MAGEB10: variants seen among roughly 807,000 people sequenced by gnomAD.
MAGEB10 encodes the protein MAGE family member B10.
For synonymous variants in MAGEB10, 99 were observed against 101.0 expected (o/e 0.98, Z 0.12); for missense variants, 190 against 261.9 (o/e 0.73, Z 1.89).
chrX:27,809,077 A>AGC (rs1479935768), intron 1 of MAGEB10, among the ~76,000 whole-genome samples: 1 of 112,229 alleles, frequency 8.9e-6, no homozygotes, highest in Non-Finnish European at 1.9e-5. Context: ...GCACTGTGGG[A>AGC]GCCCCTTTCT....
intron 1 of MAGEB10, among the ~76,000 whole-genome samples, chrX:27,808,540 A>T (rs1009983588): frequency 3.6e-5 from 4 of 111,826 alleles, no homozygotes; most frequent in Non-Finnish European, 1.9e-5. Flanking sequence ...AGGCCCTGCC[A>T]GGAGGTAAGG....
At chrX:27,809,244 G>GC (rs1383319333) in intron 1 of MAGEB10, among the ~76,000 whole-genome samples, 1 of 110,042 alleles carries the variant, frequency 9.1e-6, no homozygotes, top group Non-Finnish European at 1.9e-5. Context: ...CAGCTGGCAG[G>GC]CCCCCCGGCC....
Position 27,822,657 on chromosome X carries a change from G to A in MAGEB10, c.*307G>A, listed in dbSNP as rs750355024. ...GTGATCGAAACACGATAGCATGGTA[G>A]TAAATTAGGCATTTCCTAATTCAAT... On this transcript the variant is annotated 3_prime_UTR_variant, in exon 3 of 3. Coordinates refer to ENST00000356790, the MANE Select transcript of MAGEB10 (RefSeq NM_182506.3). The A allele has an allele frequency of 2.6e-5, 7 of 267,319 alleles. No individual in the cohort carries two copies. In the East Asian group the frequency reaches 4.6e-4, roughly 17 times the overall value. The allele number at this position is 267,319 out of a possible 1,213,427, so 22.0% of individuals were successfully genotyped here. A position where few individuals can be genotyped will look rare whatever the true frequency, so the allele number is the denominator to read the frequency against.
Position 27,822,694 on chromosome X carries a change from T to C in MAGEB10, c.*344T>C. The stretch of plus-strand genomic sequence containing the variant: ...TTTCCTAATTCAATGTGAAATAATT[T>C]AGGAGTGTAATAAATGGGATCAAGA... On this transcript the variant is annotated 3_prime_UTR_variant, in exon 3 of 3. Coordinates refer to ENST00000356790, the MANE Select transcript of MAGEB10 (RefSeq NM_182506.3). 1 of 207,219 alleles carries C rather than the reference T, an allele frequency of 4.8e-6. No individual in the cohort carries two copies. Among genetic ancestry groups the C allele is most frequent in the Non-Finnish European group, 9.3e-6 (1 of 107,503 alleles). 17.1% of individuals were successfully genotyped at this position (207,219 alleles called of 1,213,427 possible). A position where few individuals can be genotyped will look rare whatever the true frequency, so the allele number is the denominator to read the frequency against.
chrX:27,819,358 A>G (rs1923842085), intron 2 of MAGEB10, among the ~76,000 whole-genome samples: 1 of 111,565 alleles, frequency 9.0e-6, no homozygotes, highest in African/African-American at 3.3e-5. Context: ...GGGGGTGGCT[A>G]GAATTGGCTT....
rs7885991 is a variant in MAGEB10, at chrX:27,813,851, A to C, written c.-198-3703A>C. On this transcript the variant is annotated intron_variant, in intron 1 of 2. Transcript: ENST00000356790. The stretch of plus-strand genomic sequence containing the variant: ...TTGAGGTAATAGATAAACCAGAAAT[A>C]ATTGTAAGATGGGAATGGAAGGTGT... Among the ~76,000 whole-genome samples, 788 of 111,829 alleles carry C rather than the reference A, an allele frequency of 7.0e-3. 6 individuals carry two copies. Among genetic ancestry groups the C allele is most frequent in the African/African-American group, 0.024 (742 of 30,700 alleles).
intron 1 of MAGEB10, among the ~76,000 whole-genome samples, chrX:27,808,269 GTTA>G (rs1188238514): frequency 8.9e-6 from 1 of 112,033 alleles, no homozygotes; most frequent in African/African-American, 3.2e-5. Flanking sequence ...TCAATAAAGG[GTTA>G]TTATTTCCCT....
chrX:27,809,099 G>A (rs1923603519), intron 1 of MAGEB10, among the ~76,000 whole-genome samples: 1 of 112,234 alleles, frequency 8.9e-6, no homozygotes, highest in Non-Finnish European at 1.9e-5. Flanking sequence ...GGCTGGCCAA[G>A]GCCGGAGCCG....
At chrX:27,813,733 A>G (rs1462335773) in intron 1 of MAGEB10, among the ~76,000 whole-genome samples, 1 of 112,092 alleles carries the variant, frequency 8.9e-6, no homozygotes, top group Non-Finnish European at 1.9e-5. Flanking sequence ...TAGTCTGGAT[A>G]GTGGGTTGGT....
intron 1 of MAGEB10, chrX:27,812,784 G>C (rs562395862): frequency 2.9e-6 from 1 of 348,828 alleles, no homozygotes; most frequent in African/African-American, 2.6e-5. Flanking sequence ...AGTCCCCAGT[G>C]CCTTCCCATC....
chrX:27,812,294 GA>G, intron 1 of MAGEB10: 1 of 171,897 alleles, frequency 5.8e-6, no homozygotes, highest in Non-Finnish European at 1.2e-5. Context: ...CAGATATGCT[GA>G]AAAATGTAAT....
At chrX:27,820,191 C>G (rs1214656915) in intron 2 of MAGEB10, among the ~76,000 whole-genome samples, 1 of 112,064 alleles carries the variant, frequency 8.9e-6, no homozygotes, top group East Asian at 2.8e-4. Context: ...TGCCCCTGCT[C>G]TCAGCCCAGG....
At chrX:27,814,767 T>G (rs1923751384) in intron 1 of MAGEB10, among the ~76,000 whole-genome samples, 1 of 111,988 alleles carries the variant, frequency 8.9e-6, no homozygotes, top group Non-Finnish European at 1.9e-5. Context: ...TTTTCCTGAC[T>G]TCACGTGGTT....
chrX:27,808,520 G>GA (rs2147387537), intron 1 of MAGEB10, among the ~76,000 whole-genome samples: 1 of 109,662 alleles, frequency 9.1e-6, no homozygotes, highest in South Asian at 3.9e-4. Flanking sequence ...GTCAGCAGAG[G>GA]AAGGCATCCA....
intron 1 of MAGEB10, chrX:27,812,518 G>T (rs1489959729): frequency 1.9e-5 from 3 of 161,982 alleles, no homozygotes; most frequent in Non-Finnish European, 2.4e-5. Context: ...GCGATCTTCA[G>T]CCAGGGGAAT....
At chrX:27,811,540 A>C (rs759067951) in intron 1 of MAGEB10, among the ~76,000 whole-genome samples, 7 of 111,293 alleles carry the variant, frequency 6.3e-5, no homozygotes, top group Non-Finnish European at 9.4e-5. Flanking sequence ...GATGGCCCTG[A>C]ATGTGAATTG....
chrX:27,821,447 G>T lies in MAGEB10; in HGVS notation c.141G>T (p.Lys47Asn). 3 of 1,211,578 alleles carry T rather than the reference G, an allele frequency of 2.5e-6. No individual in the cohort carries two copies. The highest frequency in any genetic ancestry group is 3.4e-6 in the Non-Finnish European group (3 of 895,492). Residue 47 changes from lysine (K) to asparagine (N), a missense_variant, in exon 3 of 3, where the codon AAG (lysine) becomes AAT (asparagine). By Grantham distance (94) the Lys-to-Asn change is moderately conservative. Coordinates refer to ENST00000356790, the MANE Select transcript of MAGEB10 (RefSeq NM_182506.3). ...ESPPSASACL[K>N]DVFQSSLDGA... is the part of the protein sequence containing the mutation. ...CCCCCTCTGCCTCTGCTTGTTTGAA[G>T]GATGTTTTCCAGAGTTCACTTGATG...
intron 1 of MAGEB10, among the ~76,000 whole-genome samples, chrX:27,813,483 G>GA (rs377651717): frequency 1.3e-4 from 15 of 111,867 alleles, no homozygotes; most frequent in African/African-American, 3.9e-4. Context: ...TCTTTGGAGG[G>GA]AAGGCGCCAT....
Position 27,822,743 on chromosome X carries a change from C to G in MAGEB10, c.*393C>G, listed in dbSNP as rs780072930. ...GAAATAGAGCAAAGAGGGTCGGGTG[C>G]GGTGGCTCACACCTGTAATCCTAGC... On this transcript the variant is annotated 3_prime_UTR_variant, in exon 3 of 3. Transcript: ENST00000356790. 6.9e-6 allele frequency: 1 copy of G among 144,580 alleles called. No individual in the cohort carries two copies. Among genetic ancestry groups the G allele is most frequent in the East Asian group, 2.1e-4 (1 of 4,673 alleles). 11.9% of individuals were successfully genotyped at this position (144,580 alleles called of 1,213,427 possible).
Sources: gnomAD v4.1 joint callset for allele counts (sites outside exome capture counted in the v4.1 genomes callset) on GRCh38, gnomAD v4.1.1 for gene constraint, MANE v1.5 for transcripts, NCBI Gene and HGNC (gene_info 2026-07-23, HGNC 2026-07-21) for gene names.